Variants in DYNC2I1 observed in about 807,000 individuals in gnomAD.
DYNC2I1 encodes the protein cytoplasmic dynein 2 intermediate chain 1.
DYNC2I1 carries 89 observed loss-of-function variants against 133.4 expected under a neutral mutation model. The ratio of observed to expected loss-of-function variants is 0.67; its 90% CI spans 0.56 to 0.80. The LOEUF is 0.80. Among genes scored for constraint, DYNC2I1 ranks in the 30% least tolerant of loss-of-function variants. DYNC2I1 has a pLI of 0.00. For missense variants in DYNC2I1, 1,291 were observed against 1,314.5 expected, an observed-to-expected ratio of 0.98 and a Z score of 0.28; for synonymous variants, 504 against 484.3, an observed-to-expected ratio of 1.04 and a Z score of -0.54.
intron 1 of DYNC2I1, among the ~76,000 whole-genome samples, chr7:158,866,454 T>G (rs1315414763): frequency 1.3e-5 from 2 of 151,572 alleles, no homozygotes; most frequent in Non-Finnish European, 2.9e-5. Context: ...TGTGGTACCC[T>G]GGTCTCCTGG....
intron 14 of DYNC2I1, among the ~76,000 whole-genome samples, chr7:158,915,546 G>A (rs372596194): frequency 7.9e-4 from 66 of 83,736 alleles, no homozygotes; most frequent in African/African-American, 1.5e-3. Flanking sequence ...TCGACACGGT[G>A]GTTGAGATTA....
the DYNC2I1 span, among the ~76,000 whole-genome samples, chr7:158,843,984 C>A: frequency 0.018 from 2,695 of 152,254 alleles, 38 homozygotes; most frequent in Non-Finnish European, 0.028. Flanking sequence ...GAGTGTGAAT[C>A]TACTTTACAT....
upstream of DYNC2I1, among the ~76,000 whole-genome samples, chr7:158,853,700 G>A (rs1371206394): frequency 6.6e-6 from 1 of 150,922 alleles, no homozygotes; most frequent in Non-Finnish European, 1.5e-5. Context: ...TGTTGCCCAG[G>A]CTGGAGTGCA....
chr7:158,949,452 C>T (rs147018872), downstream of DYNC2I1, among the ~76,000 whole-genome samples: 1,862 of 152,328 alleles, frequency 0.012, 19 homozygotes, highest in South Asian at 0.036. Context: ...AGGGTGCACC[C>T]GGCCCTGTCC....
chr7:158,907,890 G>T (rs1412637807), intron 11 of DYNC2I1, among the ~76,000 whole-genome samples: 1 of 152,052 alleles, frequency 6.6e-6, no homozygotes, highest in African/African-American at 2.4e-5. Flanking sequence ...TGGGATTACA[G>T]GTGTGAGCTG....
chr7:158,873,429 G>C, intron 3 of DYNC2I1, among the ~76,000 whole-genome samples: 1 of 152,156 alleles, frequency 6.6e-6, no homozygotes, highest in African/African-American at 2.4e-5. Flanking sequence ...CCCCTTCACT[G>C]CTGGTGGCCA....
At chr7:158,914,472 A>G (rs962690342) in intron 14 of DYNC2I1, among the ~76,000 whole-genome samples, 151 bp downstream of exon 14, 1 of 152,326 alleles carries the variant, frequency 6.6e-6, no homozygotes, top group African/African-American at 2.4e-5. Context: ...TTTCTTACAA[A>G]TTATCAGTGG....
chr7:158,857,791 C>CTT (rs369240011), intron 1 of DYNC2I1, among the ~76,000 whole-genome samples: 5 of 133,580 alleles, frequency 3.7e-5, no homozygotes, highest in East Asian at 2.1e-4. Context: ...TGCACCCGGC[C>CTT]TTTTTTTTTT....
In DYNC2I1 at chr7:158,934,143, G is replaced by C. The variant is rs200493606; in HGVS notation, c.2561G>C (p.Gly854Ala). Reference protein sequence around the residue: ...IQLGDSLSHKGNEFWGTTQTL... With the variant: ...IQLGDSLSHKANEFWGTTQTL... Reference sequence around the variant, plus strand: ...TATTTTTTCAGTCTTTCCCATAAAGGTAATGAATTTTGGGGCACTACACAA... The same window carrying C: ...TATTTTTTCAGTCTTTCCCATAAAGCTAATGAATTTTGGGGCACTACACAA... Residue 854 changes from glycine to alanine, a missense_variant, in exon 22 of 25, where the codon GGT (glycine) becomes GCT (alanine). By Grantham distance (60) the Gly-to-Ala change is moderately conservative. Transcript: ENST00000407559. The C allele has an allele frequency of 5.0e-6, 8 of 1,609,790 alleles. No homozygotes were observed. The highest frequency in any genetic ancestry group is 6.8e-6 in the Non-Finnish European group (8 of 1,178,694).
chr7:158,940,020 A>G (rs1563206619), intron 23 of DYNC2I1, among the ~76,000 whole-genome samples: 1 of 152,196 alleles, frequency 6.6e-6, no homozygotes, highest in African/African-American at 2.4e-5. Flanking sequence ...TCTAAAACAG[A>G]AATAGACTGT....
chr7:158,876,527 T>C (rs1843371890), intron 3 of DYNC2I1, 82 bp from the exon 4 acceptor site: 2 of 1,475,496 alleles, frequency 1.4e-6, no homozygotes. Flanking sequence ...AAATGTGCAA[T>C]ACCATCCATA....
At position 158,930,489 on chromosome 7, in the gene DYNC2I1, T is replaced by C. The variant is rs775970946; in HGVS notation, c.2520T>C (p.His840=). 5 of 1,613,022 alleles carry C rather than the reference T, an allele frequency of 3.1e-6. No homozygotes were observed. The highest frequency in any genetic ancestry group is 3.3e-5 in the Admixed American group (2 of 59,906). Residue 840 remains histidine (H), a synonymous_variant, in exon 21 of 25, where the codon CAT becomes CAC. Transcript: ENST00000407559. ...CTGGAGGGAGGGTCAAGCTGGTACA[T>C]AGTGCTCTGATCCAGTTGGGTGACA... ...LMPGGRVKLV[H]SALIQLGDSL... is the part of the protein sequence containing the mutation.
At chr7:158,932,914 G>A (rs1442767501) in intron 21 of DYNC2I1, among the ~76,000 whole-genome samples, 5 of 152,226 alleles carry the variant, frequency 3.3e-5, no homozygotes, top group Non-Finnish European at 5.9e-5. Context: ...GTTGGTGACT[G>A]GGCACCACTT....
At chr7:158,894,061 CACCACATATCAT>C (rs1404635627) in intron 8 of DYNC2I1, among the ~76,000 whole-genome samples, 101 of 137,090 alleles carry the variant, frequency 7.4e-4, no homozygotes, top group African/African-American at 2.6e-3. Context: ...ACACATGTCA[CACCACATATCAT>C]ACCACATATT....
chr7:158,957,225 A>T (rs1054591162), downstream of DYNC2I1, among the ~76,000 whole-genome samples: 3 of 151,802 alleles, frequency 2.0e-5, no homozygotes, highest in African/African-American at 7.3e-5. Context: ...AGTCATCCAG[A>T]CTCACTGCAC....
chr7:158,942,416 G>T (rs920343300), intron 24 of DYNC2I1, among the ~76,000 whole-genome samples: 1 of 152,186 alleles, frequency 6.6e-6, no homozygotes, highest in Non-Finnish European at 1.5e-5. Flanking sequence ...GCAATCACGG[G>T]CCTGTTCCCA....
At chr7:158,942,721 G>A (rs1009452211) in intron 24 of DYNC2I1, among the ~76,000 whole-genome samples, 1 of 152,220 alleles carries the variant, frequency 6.6e-6, no homozygotes, top group African/African-American at 2.4e-5. Context: ...GGGAAAGGAG[G>A]ATGGTGTGTG....
intron 24 of DYNC2I1, among the ~76,000 whole-genome samples, chr7:158,943,002 T>C (rs903801339): frequency 2.0e-5 from 3 of 152,230 alleles, no homozygotes; most frequent in African/African-American, 7.2e-5. Context: ...GTGTTTTTTT[T>C]CTTGAGATTT....
At position 158,941,783 on chromosome 7, in the gene DYNC2I1, C is replaced by T. The variant is rs957319465; in HGVS notation, c.2779-142C>T. 7 of 870,028 alleles carry T rather than the reference C, an allele frequency of 8.0e-6. No individual in the cohort carries two copies. The African/African-American group carries it at 1.0e-4, about 12-fold the overall frequency. The allele number at this position is 870,028 out of a possible 1,614,324, so 53.9% of individuals were successfully genotyped here. On this transcript the variant is annotated intron_variant, in intron 23 of 24. Transcript: ENST00000407559. ...GTCTCAGCTACTCAGGAGGCCGAGG[C>T]AGGAGGATTGATTGAGCCCGGGAGG... is the stretch of plus-strand genomic sequence containing the variant.
Sources: gnomAD v4.1 joint callset for allele counts (sites outside exome capture counted in the v4.1 genomes callset) on GRCh38, gnomAD v4.1.1 for gene constraint, MANE v1.5 for transcripts, NCBI Gene and HGNC (gene_info 2026-07-23, HGNC 2026-07-21) for gene names.